TMEM114: variants seen among roughly 807,000 people sequenced by gnomAD.
TMEM114 encodes the protein transmembrane protein 114.
In TMEM114, 6 loss-of-function variants were observed where a neutral mutation model predicts 6.2. That is an observed-to-expected ratio of 0.97 (90% CI 0.53 to 1.91). TMEM114 has a LOEUF of 1.91. Among genes scored for constraint, TMEM114 ranks in the 40% most tolerant of loss-of-function variants. TMEM114 has a pLI of 0.01. For synonymous variants in TMEM114, 104 were observed against 73.0 expected (o/e 1.42, Z -2.16); for missense variants, 218 against 158.3 (o/e 1.38, Z -2.02).
chr16:8,549,761 A>G (rs992398743), intron 2 of TMEM114, among the ~76,000 whole-genome samples: 2 of 152,134 alleles, frequency 1.3e-5, no homozygotes, highest in African/African-American at 4.8e-5. Context: ...ATGAAGAGTA[A>G]GTAACAGAAC....
downstream of TMEM114, among the ~76,000 whole-genome samples, chr16:8,566,184 C>T (rs1361910244): frequency 6.6e-6 from 1 of 152,082 alleles, no homozygotes; most frequent in Non-Finnish European, 1.5e-5. Context: ...TCCTGGCTAA[C>T]ACTGTAAAAC....
chr16:8,531,225 T>C, the TMEM114 span, among the ~76,000 whole-genome samples: 3 of 152,256 alleles, frequency 2.0e-5, no homozygotes, highest in Non-Finnish European at 4.4e-5. Context: ...GCTAATGGCC[T>C]AATTCATAAA....
downstream of TMEM114, among the ~76,000 whole-genome samples, chr16:8,567,613 C>G (rs1393553627): frequency 6.6e-6 from 1 of 152,164 alleles, no homozygotes; most frequent in Admixed American, 6.5e-5. Flanking sequence ...GCCGGTAATA[C>G]CACTCCCCAC....
At chr16:8,530,909 C>T in the TMEM114 span, among the ~76,000 whole-genome samples, 8 of 152,038 alleles carry the variant, frequency 5.3e-5, no homozygotes, top group Non-Finnish European at 7.4e-5. Flanking sequence ...CATATAATCC[C>T]AGCTACTCAG....
chr16:8,569,382 G>T (rs1044602158), downstream of TMEM114: 1 of 940,762 alleles, frequency 1.1e-6, no homozygotes, highest in Non-Finnish European at 1.3e-6. Flanking sequence ...CAGGGCCCAG[G>T]AGGTAGGGCA....
the TMEM114 span, among the ~76,000 whole-genome samples, chr16:8,527,909 TA>T: frequency 1.1e-4 from 16 of 152,330 alleles, no homozygotes; most frequent in Non-Finnish European, 1.8e-4. Flanking sequence ...CTTCTTTTTT[TA>T]TTTGTTTGTT....
At chr16:8,555,556 G>C (rs1596473925) in intron 2 of TMEM114, among the ~76,000 whole-genome samples, 1 of 152,290 alleles carries the variant, frequency 6.6e-6, no homozygotes, top group East Asian at 1.9e-4. Context: ...TCATGGCGCT[G>C]GTAGATGCGT....
chr16:8,541,062 G>T (rs1306475858), intron 2 of TMEM114, among the ~76,000 whole-genome samples: 2 of 152,164 alleles, frequency 1.3e-5, no homozygotes, highest in Non-Finnish European at 2.9e-5. Flanking sequence ...GTCTGGACCA[G>T]CCCCATGCAG....
intron 2 of TMEM114, among the ~76,000 whole-genome samples, chr16:8,560,753 A>AT (rs1422434585): frequency 2.0e-5 from 3 of 152,140 alleles, no homozygotes; most frequent in African/African-American, 7.2e-5. Context: ...TATGTCTGGG[A>AT]TCCCCCATCA....
chr16:8,550,811 C>G (rs1395264899), intron 2 of TMEM114, among the ~76,000 whole-genome samples: 4 of 152,116 alleles, frequency 2.6e-5, no homozygotes, highest in Non-Finnish European at 5.9e-5. Context: ...ATGCTTGTGG[C>G]TGCTAGAGAG....
intron 2 of TMEM114, among the ~76,000 whole-genome samples, chr16:8,573,262 G>C (rs1293381451): frequency 6.6e-6 from 1 of 152,190 alleles, no homozygotes; most frequent in Non-Finnish European, 1.5e-5. Context: ...AGGGAGACAT[G>C]CTGCCCCCGG....
chr16:8,556,695 G>A (rs940061371), intron 2 of TMEM114, among the ~76,000 whole-genome samples: 2 of 152,064 alleles, frequency 1.3e-5, no homozygotes, highest in African/African-American at 4.8e-5. Context: ...TAGAGATGGG[G>A]TTTCACCATG....
intron 2 of TMEM114, among the ~76,000 whole-genome samples, chr16:8,549,635 G>T (rs1045036375): frequency 6.6e-5 from 10 of 152,062 alleles, no homozygotes; most frequent in African/African-American, 2.4e-4. Flanking sequence ...TCGTGTGTGT[G>T]TGTATGTGTG....
At chr16:8,587,447 C>T (rs1324977155) in intron 2 of TMEM114, among the ~76,000 whole-genome samples, 2 of 152,148 alleles carry the variant, frequency 1.3e-5, no homozygotes, top group Non-Finnish European at 2.9e-5. Context: ...AAAAGTCATA[C>T]AATTTGCACT....
At position 8,569,603 on chromosome 16, in the gene TMEM114, GA is replaced by G; in HGVS notation, c.*169del. On this transcript the variant is annotated 3_prime_UTR_variant, in exon 4 of 4. Transcript: ENST00000620492. ...ACGGACATAAGCACACAGGTACTAG[GA>G]TAACAGCCAGGCCCCAAGCTTAGTC... is the stretch of plus-strand genomic sequence containing the variant. 7.0e-7 allele frequency: 1 copy of G among 1,432,608 alleles called. No homozygotes were observed. Among genetic ancestry groups the G allele is most frequent in the Non-Finnish European group, 9.1e-7 (1 of 1,097,624 alleles). The allele number at this position is 1,432,608 out of a possible 1,614,324, so 88.7% of individuals were successfully genotyped here. A position where few individuals can be genotyped will look rare whatever the true frequency, so the allele number is the denominator to read the frequency against.
chr16:8,555,315 C>T (rs183212123), intron 2 of TMEM114, among the ~76,000 whole-genome samples: 68 of 152,326 alleles, frequency 4.5e-4, no homozygotes, highest in Non-Finnish European at 7.6e-4. Flanking sequence ...GTTGCAGCTC[C>T]GTGACTGCTC....
At chr16:8,561,855 AGTG>A (rs1186089937) in intron 2 of TMEM114, among the ~76,000 whole-genome samples, 2 of 28,072 alleles carry the variant, frequency 7.1e-5, no homozygotes, top group East Asian at 5.2e-3. Context: ...TGAATGAATG[AGTG>A]AGTGAGGGAA....
At chr16:8,578,323 C>G (rs1220562536) in intron 2 of TMEM114, among the ~76,000 whole-genome samples, 1 of 152,078 alleles carries the variant, frequency 6.6e-6, no homozygotes, top group Non-Finnish European at 1.5e-5. Context: ...AGGGGAGAAT[C>G]CTTCCCCGCC....
chr16:8,576,755 GAA>G (rs1901950793), intron 2 of TMEM114, among the ~76,000 whole-genome samples: 1 of 139,560 alleles, frequency 7.2e-6, no homozygotes, highest in Non-Finnish European at 1.5e-5. Flanking sequence ...AGGAAGGAAG[GAA>G]GGAAGGAAGG....
Sources: gnomAD v4.1 joint callset for allele counts (sites outside exome capture counted in the v4.1 genomes callset) on GRCh38, gnomAD v4.1.1 for gene constraint, MANE v1.5 for transcripts, NCBI Gene and HGNC (gene_info 2026-07-23, HGNC 2026-07-21) for gene names.